N4BP3: variants seen among roughly 807,000 people sequenced by gnomAD.
N4BP3 encodes the protein NEDD4 binding protein 3.
N4BP3 carries 33 observed loss-of-function variants against 43.8 expected under a neutral mutation model. The observed-to-expected ratio is 0.75, with a 90% CI of 0.57 to 1.01. N4BP3 has a LOEUF of 1.01. Ranked by LOEUF, N4BP3 falls within the 50% of genes least tolerant of loss-of-function variation. The pLI, the probability that N4BP3 is intolerant of heterozygous loss-of-function variation, is 0.00. For synonymous variants in N4BP3, 326 were observed against 321.9 expected (o/e 1.01, Z -0.14); for missense variants, 756 against 744.2 (o/e 1.02, Z -0.18).
At position 178,119,620 on chromosome 5, in the gene N4BP3, G is replaced by C; in HGVS notation, c.37G>C (p.Gly13Arg). The C allele has an allele frequency of 6.4e-7, 1 of 1,568,488 alleles. No individual in the cohort carries two copies. Among genetic ancestry groups the C allele is most frequent in the South Asian group, 1.2e-5 (1 of 82,700 alleles). ...TAPGPAGIAMGSVGSLLERQD... is the reference protein window; with the variant it reads ...TAPGPAGIAMRSVGSLLERQD... ...CCCAGGCCCTGCTGGCATTGCCATG[G>C]GCAGCGTGGGCAGCCTGTTGGAACG... The change falls in exon 2 of 5, where the codon GGC becomes CGC. Residue 13 changes from glycine to arginine, a missense_variant. Gly to Arg is a moderately radical substitution (Grantham distance 125). Transcript: ENST00000274605.
Position 178,121,163 on chromosome 5 carries a change from C to A in N4BP3, c.918C>A (p.His306Gln). ...ELKRLYVERLHEVTQKAERSE... is the reference protein window; with the variant it reads ...ELKRLYVERLQEVTQKAERSE... Reference sequence around the variant, plus strand: ...AGCGCCTGTATGTGGAGCGGCTGCACGAGGTGACCCAGAAGGCTGAGCGCA... The same window carrying A: ...AGCGCCTGTATGTGGAGCGGCTGCAAGAGGTGACCCAGAAGGCTGAGCGCA... Residue 306 changes from histidine to glutamine, a missense_variant, in exon 4 of 5, where the codon CAC becomes CAA. His to Gln is a conservative substitution (Grantham distance 24). Transcript: ENST00000274605. 6.2e-7 allele frequency: 1 copy of A among 1,601,050 alleles called. No individual in the cohort carries two copies. Among genetic ancestry groups the A allele is most frequent in the Non-Finnish European group, 8.5e-7 (1 of 1,178,356 alleles).
chr5:178,118,990 C>T lies in N4BP3; in HGVS notation c.-30-564C>T, dbSNP rs1316757374. On this transcript the variant is annotated intron_variant, in intron 1 of 4. Coordinates refer to ENST00000274605, the MANE Select transcript of N4BP3 (RefSeq NM_015111.2). This position sits in a 1 kb window ranked among gnomAD's most constrained non-coding sequence, Gnocchi z 5.4. ...ATGCCATTCTCCAGCCTCAGCCTCC[C>T]GAGTAGCTGGGACTACAGGCGCCCA... Among the ~76,000 whole-genome samples, 1 of 152,000 alleles carries T rather than the reference C, an allele frequency of 6.6e-6. No individual in the cohort carries two copies. The highest frequency in any genetic ancestry group is 2.4e-5 in the African/African-American group (1 of 41,370).
At position 178,120,630 on chromosome 5, in the gene N4BP3, G is replaced by A; in HGVS notation, c.783G>A (p.Val261=). The change falls in exon 3 of 5, where the codon GTG becomes GTA. Residue 261 remains valine (V), a synonymous_variant. Coordinates refer to ENST00000274605, the MANE Select transcript of N4BP3 (RefSeq NM_015111.2). The stretch of plus-strand genomic sequence containing the variant: ...CCTCTGCCGAGGAAATGGGAGCCGT[G>A]CTGCCCGAGACCTGTGAGGAGCTCA... ...SCSSAEEMGA[V]LPETCEELKR... is the part of the protein sequence containing the mutation. The A allele has an allele frequency of 6.2e-7, 1 of 1,608,670 alleles. No individual in the cohort carries two copies.
In N4BP3 at chr5:178,121,028, G is replaced by T. The variant is rs533589333; in HGVS notation, c.853-70G>T. The T allele has an allele frequency of 2.6e-6, 4 of 1,528,842 alleles. No individual in the cohort carries two copies. In the African/African-American group the frequency reaches 4.1e-5, roughly 16 times the overall value. 94.7% of individuals were successfully genotyped at this position (1,528,842 alleles called of 1,614,324 possible). On this transcript the variant is annotated intron_variant, in intron 3 of 4. Coordinates refer to ENST00000274605, the MANE Select transcript of N4BP3 (RefSeq NM_015111.2). The stretch of plus-strand genomic sequence containing the variant: ...GCACAGGATATGATCAGTGGCTGGA[G>T]TATCAGGTGGAGCTCTGAGTCGCCT...
rs546866543 is a variant in N4BP3 at position 178,121,787 on chromosome 5, A to G, written c.1421A>G (p.Gln474Arg). 31 of 1,608,878 alleles carry G rather than the reference A, an allele frequency of 1.9e-5. No homozygotes were observed. The South Asian group carries it at 3.3e-4, about 17-fold the overall frequency. ...SAEQLRAELL[Q>R]ERLRGQEQAL... Reference sequence around the variant, plus strand: ...GAGCAGCTGCGGGCTGAGCTGCTGCAGGAGCGACTTCGGGGCCAGGAGCAG... The same window carrying G: ...GAGCAGCTGCGGGCTGAGCTGCTGCGGGAGCGACTTCGGGGCCAGGAGCAG... Residue 474 changes from glutamine to arginine, a missense_variant, in exon 5 of 5, where the codon CAG becomes CGG. By Grantham distance (43) the Gln-to-Arg change is conservative (BLOSUM62 1). Coordinates refer to ENST00000274605, the MANE Select transcript of N4BP3 (RefSeq NM_015111.2).
rs1161881965 is a variant in N4BP3 at position 178,125,883 on chromosome 5, A to C, written c.*3882A>C. 6.9e-6 allele frequency: 1 copy of C among 144,572 alleles called. No homozygotes were observed. The highest frequency in any genetic ancestry group is 2.2e-4 in the East Asian group (1 of 4,508). The allele number at this position is 144,572 out of a possible 1,614,324, so 9.0% of individuals were successfully genotyped here. A position where few individuals can be genotyped will look rare whatever the true frequency, so the allele number is the denominator to read the frequency against. On this transcript the variant is annotated 3_prime_UTR_variant, in exon 5 of 5. Coordinates refer to ENST00000274605, the MANE Select transcript of N4BP3 (RefSeq NM_015111.2). ...ACTGATCTGCTTTCACAATAACCGT[A>C]TGGGGTTTTTTCTCTTTCCTTTTTT...
At chr5:178,121,436 C>T in intron 4 of N4BP3, 38 bp from the exon 5 acceptor site, 1 of 1,613,716 alleles carries the variant, frequency 6.2e-7, no homozygotes, top group East Asian at 2.2e-5. Context: ...AACCGGCTCC[C>T]CACACCCTAC....
downstream of N4BP3, chr5:178,126,085 T>C (rs943904890): frequency 2.0e-5 from 3 of 152,094 alleles, no homozygotes; most frequent in Non-Finnish European, 2.9e-5. Flanking sequence ...AAAATAAGGG[T>C]AAGGAAGGAT....
In N4BP3 at chr5:178,122,048, T is replaced by C. The variant is rs1757944751; in HGVS notation, c.*47T>C. 4 of 1,523,030 alleles carry C rather than the reference T, an allele frequency of 2.6e-6. No individual in the cohort carries two copies. The highest frequency in any genetic ancestry group is 2.2e-5 in the Admixed American group (1 of 46,500). The allele number at this position is 1,523,030 out of a possible 1,614,324, so 94.3% of individuals were successfully genotyped here. A position where few individuals can be genotyped will look rare whatever the true frequency, so the allele number is the denominator to read the frequency against. On this transcript the variant is annotated 3_prime_UTR_variant, in exon 5 of 5. Coordinates refer to ENST00000274605, the MANE Select transcript of N4BP3 (RefSeq NM_015111.2). ...GCAGCAACACTGTCAGAAGGTGCCC[T>C]GAGACGGCCGGCTCAGCCTTCCCTT...
Position 178,121,180 on chromosome 5 carries a change from C to G in N4BP3, c.935C>G (p.Ala312Gly), listed in dbSNP as rs1271135013. 1 of 1,601,650 alleles carries G rather than the reference C, an allele frequency of 6.2e-7. No individual in the cohort carries two copies. Among genetic ancestry groups the G allele is most frequent in the African/African-American group, 1.3e-5 (1 of 74,830 alleles). Reference protein sequence around the residue: ...VERLHEVTQKAERSERNLQLQ... With the variant: ...VERLHEVTQKGERSERNLQLQ... ...CGGCTGCACGAGGTGACCCAGAAGGCTGAGCGCAGCGAGCGCAACCTCCAG... is the reference window on the plus strand; with the variant it reads ...CGGCTGCACGAGGTGACCCAGAAGGGTGAGCGCAGCGAGCGCAACCTCCAG... Residue 312 changes from alanine to glycine, a missense_variant, in exon 4 of 5, where the codon GCT (alanine) becomes GGT (glycine). Coordinates refer to ENST00000274605, the MANE Select transcript of N4BP3 (RefSeq NM_015111.2).
At chr5:178,117,290 G>T (rs901276103) in intron 1 of N4BP3, among the ~76,000 whole-genome samples, 1 of 152,166 alleles carries the variant, frequency 6.6e-6, no homozygotes, top group Non-Finnish European at 1.5e-5. Flanking sequence ...GGCTGGATGG[G>T]CTTGTCGTGG....
rs749747696 is a variant in N4BP3, at chr5:178,121,174, A to G, written c.929A>G (p.Gln310Arg). The stretch of plus-strand genomic sequence containing the variant: ...GTGGAGCGGCTGCACGAGGTGACCC[A>G]GAAGGCTGAGCGCAGCGAGCGCAAC... ...LYVERLHEVT[Q>R]KAERSERNLQ... The change falls in exon 4 of 5, where the codon CAG becomes CGG. Residue 310 changes from glutamine to arginine, a missense_variant. Physicochemically the swap from Gln to Arg is conservative, Grantham distance 43 (BLOSUM62 1). Transcript: ENST00000274605. 7 of 1,602,038 alleles carry G rather than the reference A, an allele frequency of 4.4e-6. No individual in the cohort carries two copies. The highest frequency in any genetic ancestry group is 1.7e-5 in the Admixed American group (1 of 59,046).
intron 1 of N4BP3, among the ~76,000 whole-genome samples, 194 bp downstream of exon 1, chr5:178,113,965 C>G (rs1021179456): frequency 6.6e-6 from 1 of 152,190 alleles, no homozygotes; most frequent in African/African-American, 2.4e-5. Flanking sequence ...CTCCCGGTCA[C>G]CGAGGCACCG....
At position 178,121,726 on chromosome 5, in the gene N4BP3, G is replaced by C. The variant is rs1231081089; in HGVS notation, c.1360G>C (p.Gly454Arg). 2 of 1,608,506 alleles carry C rather than the reference G, an allele frequency of 1.2e-6. No homozygotes were observed. Among genetic ancestry groups the C allele is most frequent in the African/African-American group, 2.7e-5 (2 of 74,920 alleles). The change falls in exon 5 of 5, where the codon GGG (glycine) becomes CGG (arginine). Residue 454 changes from glycine to arginine, a missense_variant. By Grantham distance (125) the Gly-to-Arg change is moderately radical (BLOSUM62 -2). Coordinates refer to ENST00000274605, the MANE Select transcript of N4BP3 (RefSeq NM_015111.2). ...TGACTGCAAGAGCAGGGGCCTGCTA[G>C]GGGAGGCAGGAGGCAGCGAGGCCAG... ...TDDCKSRGLL[G>R]EAGGSEARDS...
intron 1 of N4BP3, 97 bp from the exon 2 acceptor site, chr5:178,119,457 G>T: frequency 1.2e-6 from 1 of 862,984 alleles, no homozygotes; most frequent in Admixed American, 3.0e-5. Context: ...GGGCAAGGTT[G>T]TGGGGAGCTA....
At position 178,125,194 on chromosome 5, in the gene N4BP3, G is replaced by A. The variant is rs1485523309; in HGVS notation, c.*3193G>A. ...AGTGATGTATTTGGGGCCTTCTCAG[G>A]TGAGGAAGCCAAGGTGGCCAAGGCC... On this transcript the variant is annotated 3_prime_UTR_variant, in exon 5 of 5. Coordinates refer to ENST00000274605, the MANE Select transcript of N4BP3 (RefSeq NM_015111.2). The A allele has an allele frequency of 6.6e-6, 1 of 152,476 alleles. No homozygotes were observed. Among genetic ancestry groups the A allele is most frequent in the Non-Finnish European group, 1.5e-5 (1 of 68,222 alleles). The allele number at this position is 152,476 out of a possible 1,614,324, so 9.4% of individuals were successfully genotyped here.
intron 1 of N4BP3, among the ~76,000 whole-genome samples, chr5:178,119,228 C>T (rs1757846583): frequency 6.6e-6 from 1 of 152,228 alleles, no homozygotes; most frequent in Non-Finnish European, 1.5e-5. Context: ...CCTGCTGCTT[C>T]CAGGCCTATC....
In N4BP3 at chr5:178,118,906, C is replaced by T. The variant is rs1757838929; in HGVS notation, c.-30-648C>T. Among the ~76,000 whole-genome samples the T allele has an allele frequency of 6.6e-6, 1 of 151,104 alleles. No homozygotes were observed. Among genetic ancestry groups the T allele is most frequent in the South Asian group, 2.1e-4 (1 of 4,792 alleles). Reference sequence around the variant, plus strand: ...TTTGAGATGGAGTCTCCCTCTGTCGCCCATGCTGGAGTGCAGTGGTGCGAT... The same window carrying T: ...TTTGAGATGGAGTCTCCCTCTGTCGTCCATGCTGGAGTGCAGTGGTGCGAT... On this transcript the variant is annotated intron_variant, in intron 1 of 4. Coordinates refer to ENST00000274605, the MANE Select transcript of N4BP3 (RefSeq NM_015111.2). The surrounding 1 kb of genome is among the most constrained non-coding windows in gnomAD (Gnocchi z 5.4).
chr5:178,120,163 CTCTCTTCCT>C lies in N4BP3; in HGVS notation c.331-14_331-6del. ...AGGTCTCACACCTGCCCTCTCTGCC[CTCTCTTCCT>C]GGCAGTGCCGCATTCGCCCCTCAGT... On this transcript the variant is annotated splice_region_variant and splice_polypyrimidine_tract_variant and intron_variant, in intron 2 of 4. Coordinates refer to ENST00000274605, the MANE Select transcript of N4BP3 (RefSeq NM_015111.2). 6.5e-7 allele frequency: 1 copy of C among 1,547,872 alleles called. No homozygotes were observed. Among genetic ancestry groups the C allele is most frequent in the Non-Finnish European group, 8.7e-7 (1 of 1,144,282 alleles).
Sources: allele counts gnomAD v4.1 joint callset (sites outside exome capture counted in the v4.1 genomes callset), GRCh38; gene constraint gnomAD v4.1.1; non-coding constraint Gnocchi (gnomAD v3.1); transcripts MANE v1.5; gene names NCBI Gene and HGNC (gene_info 2026-07-23, HGNC 2026-07-21).